CNTN5: variants seen among roughly 807,000 people sequenced by gnomAD.
The protein encoded by CNTN5 is contactin 5, also known as contactin-5.
CNTN5 carries 77 observed loss-of-function variants against 129.1 expected under a neutral mutation model. The observed-to-expected ratio is 0.60, with a 90% CI of 0.50 to 0.72. CNTN5 has a LOEUF of 0.72. Among genes scored for constraint, CNTN5 ranks in the 30% least tolerant of loss-of-function variants. The probability of loss-of-function intolerance (pLI) is 0.00; values close to 1 mark genes in which losing one functional copy is unlikely to be tolerated. For missense variants in CNTN5, 1,478 were observed against 1,328.8 expected (o/e 1.11, Z -1.75); for synonymous variants, 509 against 465.6 (o/e 1.09, Z -1.20).
chr11:100,351,295 A>G (rs913562725), intron 24 of CNTN5, among the ~76,000 whole-genome samples: 4 of 151,622 alleles, frequency 2.6e-5, no homozygotes, highest in Admixed American at 2.0e-4. Context: ...ATATTTATTG[A>G]TTTCTAAACA....
At chr11:100,204,627 A>G (rs1433624666) in intron 15 of CNTN5, among the ~76,000 whole-genome samples, 1 of 151,432 alleles carries the variant, frequency 6.6e-6, no homozygotes, top group African/African-American at 2.4e-5. Flanking sequence ...TAACAGAGGA[A>G]GTTTCTAACT....
intron 1 of CNTN5, among the ~76,000 whole-genome samples, chr11:99,299,885 G>A (rs940172576): frequency 2.0e-5 from 3 of 151,884 alleles, no homozygotes; most frequent in Non-Finnish European, 4.4e-5. Context: ...TTTATATAAT[G>A]TTTTCTTTCC....
intron 2 of CNTN5, among the ~76,000 whole-genome samples, chr11:99,493,039 G>A (rs1946094972): frequency 6.6e-6 from 1 of 152,160 alleles, no homozygotes; most frequent in African/African-American, 2.4e-5. Context: ...GGGGAGAAAT[G>A]CAGGAGACTG....
At chr11:99,245,487 T>A (rs1052454909) in intron 1 of CNTN5, among the ~76,000 whole-genome samples, 2 of 151,956 alleles carry the variant, frequency 1.3e-5, no homozygotes, top group Non-Finnish European at 2.9e-5. Flanking sequence ...CCGGCTAATT[T>A]TTTTTGTATT....
At chr11:99,811,037 C>T (rs1342724332) in intron 3 of CNTN5, among the ~76,000 whole-genome samples, 1 of 152,066 alleles carries the variant, frequency 6.6e-6, no homozygotes, top group East Asian at 1.9e-4. Context: ...AGAGCCTAAA[C>T]AGACATTTAA....
chr11:99,178,314 C>CCA (rs71046672), intron 1 of CNTN5, among the ~76,000 whole-genome samples: 7,761 of 125,376 alleles, frequency 0.062, 205 homozygotes, highest in Non-Finnish European at 0.071. Flanking sequence ...GACCTCATCT[C>CCA]CACACACACA....
chr11:100,309,113 G>A (rs1591501769), intron 21 of CNTN5: 38 of 985,050 alleles, frequency 3.9e-5, no homozygotes, highest in Middle Eastern at 5.2e-4. Flanking sequence ...TCTTGTTCTT[G>A]TTCTTGCCTT....
chr11:99,056,855 C>T lies in CNTN5; in HGVS notation c.-210+35585C>T, dbSNP rs569432892. Among the ~76,000 whole-genome samples, 5 of 152,104 alleles carry T rather than the reference C, an allele frequency of 3.3e-5. 1 individual carries two copies. The South Asian group carries it at 1.0e-3, about 32-fold the overall frequency. On this transcript the variant is annotated intron_variant, in intron 1 of 24. Coordinates refer to ENST00000524871, the MANE Select transcript of CNTN5 (RefSeq NM_014361.4). Reference sequence around the variant, plus strand: ...TAGAAAATATTTACAAGATCATTACCTTTTACTTGTAAATGGTATCTTACA... The same window carrying T: ...TAGAAAATATTTACAAGATCATTACTTTTTACTTGTAAATGGTATCTTACA...
At chr11:99,623,686 C>T (rs1296947781) in intron 3 of CNTN5, among the ~76,000 whole-genome samples, 1 of 141,186 alleles carries the variant, frequency 7.1e-6, no homozygotes, top group African/African-American at 2.6e-5. Flanking sequence ...GAAATCTCAA[C>T]TAGTTTTACC....
rs186496336 is a variant in CNTN5, at chr11:99,861,070, C to T, written c.577+15808C>T. 6.8e-3 allele frequency among the ~76,000 whole-genome samples: 1,025 copies of T among 151,454 alleles called. 17 individuals carry two copies. The highest frequency in any genetic ancestry group is 0.024 in the African/African-American group (977 of 41,170). On this transcript the variant is annotated intron_variant, in intron 6 of 24. Coordinates refer to ENST00000524871, the MANE Select transcript of CNTN5 (RefSeq NM_014361.4). ...TCCCAGGTTCACGCCATTCTCTGGCCTCAGCCTCCTGAGTAGGTAGGACTA... is the reference window on the plus strand; with the variant it reads ...TCCCAGGTTCACGCCATTCTCTGGCTTCAGCCTCCTGAGTAGGTAGGACTA...
At position 99,031,001 on chromosome 11, in the gene CNTN5, G is replaced by C. The variant is rs562078138; in HGVS notation, c.-210+9731G>C. On this transcript the variant is annotated intron_variant, in intron 1 of 24. Coordinates refer to ENST00000524871, the MANE Select transcript of CNTN5 (RefSeq NM_014361.4). ...TTTAGTAGAGACTGGGTTTCACCGT[G>C]TTAGCCAGGATGGTCTTGATCTCCT... 5.9e-5 allele frequency among the ~76,000 whole-genome samples: 9 copies of C among 151,680 alleles called. No homozygotes were observed. In the East Asian group the frequency reaches 1.8e-3, roughly 30 times the overall value.
chr11:99,883,173 A>G (rs1163628773), intron 6 of CNTN5, among the ~76,000 whole-genome samples: 5 of 152,214 alleles, frequency 3.3e-5, no homozygotes, highest in South Asian at 2.1e-4. Flanking sequence ...CAGTGCTGCA[A>G]CAAACATCGG....
At chr11:99,750,819 T>C (rs887370485) in intron 3 of CNTN5, among the ~76,000 whole-genome samples, 5 of 152,248 alleles carry the variant, frequency 3.3e-5, no homozygotes, top group East Asian at 1.9e-4. Context: ...GCAATTTATA[T>C]TGATACTTTT....
At chr11:100,049,238 AG>A (rs1372773923) in intron 9 of CNTN5, among the ~76,000 whole-genome samples, 1 of 152,258 alleles carries the variant, frequency 6.6e-6, no homozygotes, top group Admixed American at 6.5e-5. Context: ...ATAATGTGTT[AG>A]AGGGTTTGTA....
chr11:99,932,592 T>A (rs1359333259), intron 7 of CNTN5, among the ~76,000 whole-genome samples: 1 of 152,188 alleles, frequency 6.6e-6, no homozygotes, highest in African/African-American at 2.4e-5. Flanking sequence ...TTTTGTCACT[T>A]ATCAGCAATG....
intron 3 of CNTN5, among the ~76,000 whole-genome samples, chr11:99,747,803 G>A (rs1944104591): frequency 6.6e-6 from 1 of 152,098 alleles, no homozygotes; most frequent in Non-Finnish European, 1.5e-5. Context: ...CCTGATCATA[G>A]ATGAAAATAG....
At chr11:100,081,049 G>A (rs1944346849) in intron 13 of CNTN5, among the ~76,000 whole-genome samples, 1 of 152,080 alleles carries the variant, frequency 6.6e-6, no homozygotes, top group African/African-American at 2.4e-5. Context: ...CATTCATTAT[G>A]ATGAGATTAA....
rs559583576 is a variant in CNTN5 at position 99,194,758 on chromosome 11, G to A, written c.-209-130588G>A. Among the ~76,000 whole-genome samples the A allele has an allele frequency of 5.3e-5, 8 of 151,994 alleles. No homozygotes were observed. The South Asian group carries it at 1.5e-3, about 28-fold the overall frequency. ...GTAGCTGGGACTACAGGTGCATGCC[G>A]CCATGCCCAGCTAATATTTGTATTT... On this transcript the variant is annotated intron_variant, in intron 1 of 24. Coordinates refer to ENST00000524871, the MANE Select transcript of CNTN5 (RefSeq NM_014361.4).
In CNTN5 at chr11:99,908,149, G is replaced by A. The variant is rs117020534; in HGVS notation, c.578-7905G>A. On this transcript the variant is annotated intron_variant, in intron 6 of 24. Transcript: ENST00000524871. ...TTTTTACACTTGCAGTGTAAGAGCA[G>A]AATAGGCAGATAGTCCAATTTAACA... Among the ~76,000 whole-genome samples, 1,065 of 152,092 alleles carry A rather than the reference G, an allele frequency of 7.0e-3. 5 individuals are homozygous for A. The highest frequency in any genetic ancestry group is 0.01 in the Non-Finnish European group (693 of 67,954).
Sources: allele counts gnomAD v4.1 joint callset (sites outside exome capture counted in the v4.1 genomes callset), GRCh38; gene constraint gnomAD v4.1.1; transcripts MANE v1.5; gene names NCBI Gene and HGNC (gene_info 2026-07-23, HGNC 2026-07-21).